Variants in TIAM1 observed in about 807,000 individuals in gnomAD.
TIAM1 encodes rho guanine nucleotide exchange factor TIAM1.
In TIAM1, 65 loss-of-function variants were observed where a neutral mutation model predicts 163.5. The observed-to-expected ratio is 0.40, with a 90% CI of 0.33 to 0.49. TIAM1 has a LOEUF of 0.49. TIAM1 is among the 20% of genes least tolerant of loss of function. TIAM1 has a pLI of 0.77. For synonymous variants in TIAM1, 833 were observed against 810.1 expected, an observed-to-expected ratio of 1.03 and a Z score of -0.48; for missense variants, 1,789 against 2,044.7, an observed-to-expected ratio of 0.87 and a Z score of 2.41.
At chr21:31,279,536 T>TCACGCAG (rs1432674370) in intron 2 of TIAM1, among the ~76,000 whole-genome samples, 1 of 152,198 alleles carries the variant, frequency 6.6e-6, no homozygotes, top group African/African-American at 2.4e-5. Flanking sequence ...GCTGCACGCA[T>TCACGCAG]CCGGTCATAT....
intron 1 of TIAM1, among the ~76,000 whole-genome samples, chr21:31,556,120 C>A (rs2048868779): frequency 6.6e-6 from 1 of 152,162 alleles, no homozygotes; most frequent in African/African-American, 2.4e-5. Flanking sequence ...CTGATTTGAT[C>A]CCCACACAAC....
chr21:31,361,836 A>AG (rs1388254463), intron 2 of TIAM1, among the ~76,000 whole-genome samples: 126 of 103,298 alleles, frequency 1.2e-3, no homozygotes, highest in Admixed American at 2.2e-3. Flanking sequence ...AGGAAGAAAG[A>AG]TTAGATAGAT....
intron 4 of TIAM1, among the ~76,000 whole-genome samples, chr21:31,263,842 G>A (rs1291904424): frequency 6.6e-6 from 1 of 152,176 alleles, no homozygotes; most frequent in Admixed American, 6.5e-5. Context: ...GCCTTGCAGT[G>A]CCAATCTGAT....
rs73193732 is a variant in TIAM1 at position 31,302,609 on chromosome 21, C to T, written c.-188-25701G>A. ...CATGTTTTCACACTAACTCCAAACG[C>T]ACAACACTACACCACAAAAGCCAGG... is the stretch of plus-strand genomic sequence containing the variant. On this transcript the variant is annotated intron_variant, in intron 2 of 27. Transcript: ENST00000541036. Among the ~76,000 whole-genome samples, 815 of 152,300 alleles carry T rather than the reference C, an allele frequency of 5.4e-3. 2 individuals carry two copies. The highest frequency in any genetic ancestry group is 0.031 in the Middle Eastern group (9 of 294).
intron 6 of TIAM1, among the ~76,000 whole-genome samples, chr21:31,226,810 T>C (rs1428170917): frequency 2.6e-5 from 4 of 152,114 alleles, no homozygotes; most frequent in African/African-American, 9.7e-5. Flanking sequence ...TCTCAAGAAA[T>C]AATCTATTCA....
chr21:31,178,971 G>C (rs950656154), intron 15 of TIAM1, among the ~76,000 whole-genome samples: 4 of 150,426 alleles, frequency 2.7e-5, no homozygotes, highest in Non-Finnish European at 5.9e-5. Flanking sequence ...GGCTGGTCTC[G>C]AACTCCCGAC....
chr21:31,368,507 G>A (rs2076536603), intron 2 of TIAM1, among the ~76,000 whole-genome samples: 1 of 152,072 alleles, frequency 6.6e-6, no homozygotes, highest in Non-Finnish European at 1.5e-5. Flanking sequence ...TGTAGGCTTC[G>A]GATTTGCTGC....
At chr21:31,463,502 A>G (rs1161394289) in intron 2 of TIAM1, among the ~76,000 whole-genome samples, 5 of 152,058 alleles carry the variant, frequency 3.3e-5, no homozygotes, top group Admixed American at 3.3e-4. Context: ...CCTCACTTCC[A>G]ACAGAATATT....
chr21:31,477,103 A>G (rs1327436115), intron 1 of TIAM1, among the ~76,000 whole-genome samples: 3 of 152,192 alleles, frequency 2.0e-5, no homozygotes, highest in African/African-American at 4.8e-5. Flanking sequence ...GACTTAGCAA[A>G]TAAGCAATCT....
intron 2 of TIAM1, among the ~76,000 whole-genome samples, chr21:31,420,408 T>C (rs572631444): frequency 2.0e-5 from 3 of 152,318 alleles, no homozygotes; most frequent in South Asian, 4.1e-4. Flanking sequence ...CAGGAACTAA[T>C]AGAAAGAACC....
chr21:31,481,108 G>A (rs549770851), intron 1 of TIAM1, among the ~76,000 whole-genome samples: 1 of 152,146 alleles, frequency 6.6e-6, no homozygotes, highest in Non-Finnish European at 1.5e-5. Flanking sequence ...TGATTGAGGT[G>A]CTGTCTGCAT....
At chr21:31,521,441 A>C (rs1374654108) in intron 1 of TIAM1, among the ~76,000 whole-genome samples, 1 of 152,162 alleles carries the variant, frequency 6.6e-6, no homozygotes, top group Non-Finnish European at 1.5e-5. Context: ...AGATATACAC[A>C]ATTGAGTCTC....
Position 31,143,036 on chromosome 21 carries a change from G to A in TIAM1, c.3476-1532C>T, listed in dbSNP as rs1050866761. ...CCAAGCAACGTAACAGTGGACACAC[G>A]CTGCCTCTGGGCTGGTGAGCACCTG... On this transcript the variant is annotated intron_variant, in intron 20 of 27. Transcript: ENST00000541036. Among the ~76,000 whole-genome samples the A allele has an allele frequency of 1.1e-4, 16 of 152,266 alleles. No individual in the cohort carries two copies. In the East Asian group the frequency reaches 1.4e-3, roughly 13 times the overall value.
intron 1 of TIAM1, among the ~76,000 whole-genome samples, chr21:31,556,002 G>A (rs1393146730): frequency 1.3e-5 from 2 of 152,146 alleles, no homozygotes; most frequent in East Asian, 3.9e-4. Context: ...AAAGGGAAAG[G>A]AGAGGAAGTC....
intron 2 of TIAM1, among the ~76,000 whole-genome samples, chr21:31,372,049 A>C (rs999687731): frequency 2.6e-5 from 4 of 152,200 alleles, no homozygotes; most frequent in Non-Finnish European, 4.4e-5. Flanking sequence ...ACCCTGAGGC[A>C]ATATGAGTTT....
rs970048985 is a variant in TIAM1, at chr21:31,225,883, G to C, written c.1652C>G (p.Ala551Gly). The C allele has an allele frequency of 6.2e-7, 1 of 1,614,078 alleles. No homozygotes were observed. The highest frequency in any genetic ancestry group is 8.5e-7 in the Non-Finnish European group (1 of 1,180,028). ...CGTGTCTTCCTTGTGGTGGTGCCTC[G>C]CGACCGCAGTGGCGCAGGCAGAGTG... Reference protein sequence around the residue: ...AIHSACATAVARHHHKEDTLR... With the variant: ...AIHSACATAVGRHHHKEDTLR... The change falls in exon 7 of 28, where the codon GCG (alanine) becomes GGG (glycine). Residue 551 changes from alanine (A) to glycine (G), a missense_variant. Physicochemically the swap from Ala to Gly is moderately conservative, Grantham distance 60. This residue lies in a region of TIAM1 where 456 missense variants were observed against 586.6 expected (regional missense o/e 0.78). Coordinates refer to ENST00000541036, the MANE Select transcript of TIAM1 (RefSeq NM_001353694.2).
rs2072757687 is a variant in TIAM1, at chr21:31,266,263, G to A, written c.710C>T (p.Ala237Val). 2 of 1,614,210 alleles carry A rather than the reference G, an allele frequency of 1.2e-6. No homozygotes were observed. Among genetic ancestry groups the A allele is most frequent in the East Asian group, 2.2e-5 (1 of 44,878 alleles). Residue 237 changes from alanine (A) to valine (V), a missense_variant, in exon 4 of 28, where the codon GCT becomes GTT. Around this residue, in one of 5 missense-constraint regions of TIAM1, gnomAD observed 555 missense variants for 564.9 expected, o/e 0.98. Transcript: ENST00000541036. ...TGCTGTCACTCCAGAGTTTTTCTGA[G>A]CATACAAGTCACCCAAGGAATTGGC... ...QRANSLGDLY[A>V]QKNSGVTANG...
chr21:31,436,209 C>A (rs2044202959), intron 2 of TIAM1, among the ~76,000 whole-genome samples: 2 of 152,322 alleles, frequency 1.3e-5, no homozygotes, highest in East Asian at 3.9e-4. Context: ...CTATAGACTG[C>A]AGGCTCCCCC....
chr21:31,151,855 G>C (rs1330485723), intron 19 of TIAM1, among the ~76,000 whole-genome samples: 2 of 152,084 alleles, frequency 1.3e-5, no homozygotes, highest in Admixed American at 1.3e-4. Flanking sequence ...GCAGGGGAGA[G>C]GAAATAAGCA....
Sources: allele counts gnomAD v4.1 joint callset (sites outside exome capture counted in the v4.1 genomes callset), GRCh38; gene constraint gnomAD v4.1.1; regional missense constraint gnomAD v4.1.1; transcripts MANE v1.5; gene names NCBI Gene and HGNC (gene_info 2026-07-23, HGNC 2026-07-21).